Variants in TRDN observed in about 807,000 individuals in gnomAD.
The protein encoded by TRDN is triadin, also known as triadin in skeletal muscle.
In TRDN, 161 loss-of-function variants were observed where a neutral mutation model predicts 149.7. The ratio of observed to expected loss-of-function variants is 1.08; its 90% CI spans 0.95 to 1.23. TRDN has a LOEUF of 1.23. Among genes scored for constraint, TRDN ranks in the 50% most tolerant of loss-of-function variants. The probability of loss-of-function intolerance (pLI) is 0.00; values close to 1 mark genes in which losing one functional copy is unlikely to be tolerated. For synonymous variants in TRDN, 294 were observed against 250.5 expected (o/e 1.17, Z -1.64); for missense variants, 896 against 823.5 (o/e 1.09, Z -1.08).
chr6:123,635,994 A>G (rs1231190277), intron 1 of TRDN, among the ~76,000 whole-genome samples: 6 of 152,122 alleles, frequency 3.9e-5, no homozygotes, highest in East Asian at 1.9e-4. Flanking sequence ...TCAGTAAAGC[A>G]TTGAAACAGA....
In TRDN at chr6:123,573,908, T is replaced by C. The variant is rs1032294774; in HGVS notation, c.23-2776A>G. On this transcript the variant is annotated intron_variant, in intron 1 of 40. Coordinates refer to ENST00000334268, the MANE Select transcript of TRDN (RefSeq NM_006073.4). ...TAAGTATTGGAGAAAGAAATAACAC[T>C]GCCAGCAAAATTAAATACTTTAGTT... 1.7e-4 allele frequency among the ~76,000 whole-genome samples: 26 copies of C among 152,034 alleles called. 2 individuals are homozygous for C. The highest frequency in any genetic ancestry group is 1.5e-3 in the Admixed American group (23 of 15,238).
At chr6:123,432,633 C>T (rs932924143) in intron 12 of TRDN, among the ~76,000 whole-genome samples, 12 of 151,228 alleles carry the variant, frequency 7.9e-5, no homozygotes, top group Admixed American at 4.0e-4. Context: ...CAGCCGTAAT[C>T]CTTCCCCCTT....
At chr6:123,370,891 C>T (rs1431058208) in intron 19 of TRDN, among the ~76,000 whole-genome samples, 2 of 142,820 alleles carry the variant, frequency 1.4e-5, no homozygotes, top group African/African-American at 5.2e-5. Context: ...TTTTTCTGCC[C>T]ATTGTCTATC....
chr6:123,366,943 T>G (rs888640696), intron 19 of TRDN, among the ~76,000 whole-genome samples: 4 of 152,238 alleles, frequency 2.6e-5, no homozygotes, highest in Non-Finnish European at 5.9e-5. Flanking sequence ...AAGCAAACAA[T>G]ATTTGACCTC....
chr6:123,499,703 CA>C lies in TRDN; in HGVS notation c.794-2452del, dbSNP rs775014014. ...TGGGCAACATAGTGAGATTCTGGCT[CA>C]AAAAAAAAAAAAAAAATATATATAT... On this transcript the variant is annotated intron_variant, in intron 8 of 40. Coordinates refer to ENST00000334268, the MANE Select transcript of TRDN (RefSeq NM_006073.4). Among the ~76,000 whole-genome samples the C allele has an allele frequency of 5.5e-3, 125 of 22,806 alleles. 8 individuals are homozygous for C. The highest frequency in any genetic ancestry group is 0.012 in the East Asian group (15 of 1,246). The allele number at this position is 22,806 out of a possible 152,430, so 15.0% of individuals were successfully genotyped here.
chr6:123,496,074 TTAATA>T (rs1413344593), intron 9 of TRDN, among the ~76,000 whole-genome samples: 4 of 147,068 alleles, frequency 2.7e-5, no homozygotes, highest in African/African-American at 9.9e-5. Context: ...ATTATTAATA[TTAATA>T]TAATATATTA....
chr6:123,224,014 G>GA (rs11368178), intron 39 of TRDN, 79 bp downstream of exon 39: 39,997 of 1,125,432 alleles, frequency 0.036, 1 homozygote, highest in South Asian at 0.057. Flanking sequence ...GAATAGCTAG[G>GA]AAAAAAAAAA....
intron 24 of TRDN, among the ~76,000 whole-genome samples, chr6:123,310,122 A>G (rs1475477649): frequency 6.6e-6 from 1 of 152,070 alleles, no homozygotes; most frequent in Non-Finnish European, 1.5e-5. Flanking sequence ...TCATCTGTCC[A>G]GTAAATCGCA....
chr6:123,360,871 G>A (rs1274249346), intron 20 of TRDN, among the ~76,000 whole-genome samples: 2 of 152,148 alleles, frequency 1.3e-5, no homozygotes, highest in Admixed American at 1.3e-4. Context: ...ATGGATGACT[G>A]ATTTGAAGGA....
At chr6:123,387,104 T>C (rs1399171197) in intron 14 of TRDN, among the ~76,000 whole-genome samples, 1 of 152,162 alleles carries the variant, frequency 6.6e-6, no homozygotes, top group Admixed American at 6.5e-5. Flanking sequence ...GGTTATGACA[T>C]GAAAAGTTGA....
chr6:123,368,910 T>C (rs182929878), intron 19 of TRDN, among the ~76,000 whole-genome samples: 30 of 152,308 alleles, frequency 2.0e-4, no homozygotes, highest in African/African-American at 6.3e-4. Flanking sequence ...AAATGAGCCA[T>C]AGTTAAATCA....
intron 16 of TRDN, among the ~76,000 whole-genome samples, chr6:123,378,971 T>C (rs1210000822): frequency 3.3e-5 from 5 of 152,210 alleles, no homozygotes; most frequent in Non-Finnish European, 7.3e-5. Context: ...TAATTTTACA[T>C]GAAGTGCTAT....
chr6:123,540,905 T>C (rs4569988), intron 4 of TRDN, among the ~76,000 whole-genome samples: 92,526 of 151,728 alleles, frequency 0.61, 30,108 homozygotes, highest in African/African-American at 0.82. Flanking sequence ...ATTGGTAAGC[T>C]TTCTGTTATG....
At chr6:123,428,349 C>G (rs984937313) in intron 12 of TRDN, among the ~76,000 whole-genome samples, 7 of 152,120 alleles carry the variant, frequency 4.6e-5, no homozygotes, top group Admixed American at 6.6e-5. Context: ...CACCCCTACC[C>G]GCTTTCCCAA....
intron 24 of TRDN, among the ~76,000 whole-genome samples, chr6:123,289,692 A>T (rs1777931527): frequency 6.6e-6 from 1 of 152,160 alleles, no homozygotes; most frequent in Admixed American, 6.6e-5. Flanking sequence ...TGCAATTGAA[A>T]GTGGGTATAA....
chr6:123,392,308 A>C (rs1014590340), intron 13 of TRDN, among the ~76,000 whole-genome samples: 1 of 151,972 alleles, frequency 6.6e-6, no homozygotes, highest in Non-Finnish European at 1.5e-5. Context: ...ATATCTCTTC[A>C]TTTTCCTCCT....
At chr6:123,321,164 A>G (rs1779228626) in intron 23 of TRDN, among the ~76,000 whole-genome samples, 2 of 152,148 alleles carry the variant, frequency 1.3e-5, no homozygotes, top group African/African-American at 4.8e-5. Context: ...ACATCAGGCA[A>G]TTGTGTGACC....
chr6:123,373,803 A>G (rs1202975704), intron 19 of TRDN, among the ~76,000 whole-genome samples: 2 of 152,168 alleles, frequency 1.3e-5, no homozygotes, highest in Non-Finnish European at 2.9e-5. Context: ...GTAAAATCAT[A>G]TCTCAAATGT....
intron 2 of TRDN, among the ~76,000 whole-genome samples, chr6:123,554,660 C>G (rs1781557473): frequency 6.6e-6 from 1 of 152,112 alleles, no homozygotes; most frequent in South Asian, 2.1e-4. Flanking sequence ...AGAACTTTCC[C>G]AATGCCAAAT....
Sources: allele counts gnomAD v4.1 joint callset (sites outside exome capture counted in the v4.1 genomes callset), GRCh38; gene constraint gnomAD v4.1.1; transcripts MANE v1.5; gene names NCBI Gene and HGNC (gene_info 2026-07-23, HGNC 2026-07-21).